Variants in HS6ST3 observed in about 807,000 individuals in gnomAD.
HS6ST3 encodes heparan-sulfate 6-O-sulfotransferase 3.
HS6ST3 carries 12 observed loss-of-function variants against 36.7 expected under a neutral mutation model. The ratio of observed to expected loss-of-function variants is 0.33; its 90% CI spans 0.21 to 0.53. The LOEUF is 0.53. Among genes scored for constraint, HS6ST3 ranks in the 20% least tolerant of loss-of-function variants. HS6ST3 has a pLI of 0.95. For synonymous variants in HS6ST3, 240 were observed against 257.5 expected (o/e 0.93, Z 0.65); for missense variants, 584 against 640.9 (o/e 0.91, Z 0.96).
chr13:96,471,548 C>A (rs961347523), intron 1 of HS6ST3, among the ~76,000 whole-genome samples: 3 of 152,134 alleles, frequency 2.0e-5, no homozygotes, highest in Non-Finnish European at 4.4e-5. Context: ...AATGATTGAG[C>A]AGCTGTCTTC....
intron 1 of HS6ST3, among the ~76,000 whole-genome samples, chr13:96,779,415 T>A (rs942825573): frequency 6.6e-6 from 1 of 152,050 alleles, no homozygotes; most frequent in Non-Finnish European, 1.5e-5. Flanking sequence ...TGGGCTGTTA[T>A]TGAAATGTTT....
At chr13:96,367,674 A>G (rs2055269788) in intron 1 of HS6ST3, among the ~76,000 whole-genome samples, 1 of 152,256 alleles carries the variant, frequency 6.6e-6, no homozygotes, top group Admixed American at 6.5e-5. Context: ...AAATGTAAAG[A>G]AGAAAAACAT....
intron 1 of HS6ST3, among the ~76,000 whole-genome samples, chr13:96,604,275 A>G (rs2056431165): frequency 6.6e-6 from 1 of 152,162 alleles, no homozygotes; most frequent in Non-Finnish European, 1.5e-5. Context: ...ATAATCCATC[A>G]TTTTTACTGA....
chr13:96,472,642 A>G (rs1169376727), intron 1 of HS6ST3, among the ~76,000 whole-genome samples: 1 of 152,154 alleles, frequency 6.6e-6, no homozygotes, highest in Admixed American at 6.6e-5. Flanking sequence ...GTAGAATTGA[A>G]CGTTCCTCAA....
rs1055341483 is a variant in HS6ST3 at position 96,703,122 on chromosome 13, T to C, written c.708-129368T>C. ...TTACTCCATGAATTCCTTACATTAA[T>C]TTCAAAATCAAATCCTAATACTAGG... On this transcript the variant is annotated intron_variant, in intron 1 of 1. Coordinates refer to ENST00000376705, the MANE Select transcript of HS6ST3 (RefSeq NM_153456.4). 3.3e-5 allele frequency among the ~76,000 whole-genome samples: 5 copies of C among 152,254 alleles called. No homozygotes were observed. In the South Asian group the frequency reaches 8.3e-4, roughly 25 times the overall value.
At chr13:96,603,878 A>G (rs539649801) in intron 1 of HS6ST3, among the ~76,000 whole-genome samples, 2 of 152,296 alleles carry the variant, frequency 1.3e-5, no homozygotes, top group South Asian at 4.1e-4. Flanking sequence ...GTCTACTTGA[A>G]CCTACTTCAG....
chr13:96,761,451 T>G (rs1325929260), intron 1 of HS6ST3, among the ~76,000 whole-genome samples: 2 of 152,172 alleles, frequency 1.3e-5, no homozygotes, highest in Admixed American at 1.3e-4. Flanking sequence ...TTAATATTAT[T>G]CCATATTTTT....
At chr13:96,372,487 G>T (rs369411260) in intron 1 of HS6ST3, among the ~76,000 whole-genome samples, 1 of 152,050 alleles carries the variant, frequency 6.6e-6, no homozygotes, top group Non-Finnish European at 1.5e-5. Flanking sequence ...TTAGTTTGAT[G>T]TAGTCCCATT....
chr13:96,745,749 G>GT (rs1300418231), intron 1 of HS6ST3, among the ~76,000 whole-genome samples: 2 of 152,048 alleles, frequency 1.3e-5, no homozygotes, highest in African/African-American at 2.4e-5. Flanking sequence ...CACACTGGAG[G>GT]TGGTTTGATA....
chr13:96,522,607 C>T (rs2056098141), intron 1 of HS6ST3, among the ~76,000 whole-genome samples: 1 of 152,094 alleles, frequency 6.6e-6, no homozygotes, highest in Non-Finnish European at 1.5e-5. Context: ...TATGTAATGG[C>T]CTTTTTTGTC....
At chr13:96,590,638 G>A (rs928775131) in intron 1 of HS6ST3, among the ~76,000 whole-genome samples, 48 of 151,994 alleles carry the variant, frequency 3.2e-4, no homozygotes, top group African/African-American at 9.9e-4. Flanking sequence ...CATTCTTTGG[G>A]TTGTCTCTTC....
At chr13:96,628,815 ATG>A (rs1456025788) in intron 1 of HS6ST3, among the ~76,000 whole-genome samples, 8 of 151,368 alleles carry the variant, frequency 5.3e-5, no homozygotes, top group South Asian at 2.1e-4. Context: ...TATGTTCAGA[ATG>A]TGTGTGTGCA....
chr13:96,803,449 A>G (rs779797920), intron 1 of HS6ST3, among the ~76,000 whole-genome samples: 1 of 152,174 alleles, frequency 6.6e-6, no homozygotes, highest in Non-Finnish European at 1.5e-5. Context: ...CTAACTTACT[A>G]CCAGGAAGGG....
At chr13:96,288,480 G>A (rs1415278369) in intron 1 of HS6ST3, among the ~76,000 whole-genome samples, 1 of 151,978 alleles carries the variant, frequency 6.6e-6, no homozygotes, top group Non-Finnish European at 1.5e-5. Flanking sequence ...GTTACTGTCT[G>A]GGAATATAAA....
intron 1 of HS6ST3, among the ~76,000 whole-genome samples, chr13:96,603,551 G>A (rs1366458626): frequency 2.6e-5 from 4 of 152,100 alleles, no homozygotes; most frequent in South Asian, 4.1e-4. Flanking sequence ...GTAGGTATAT[G>A]TATTCTTTTC....
At chr13:96,558,408 C>G (rs1421878432) in intron 1 of HS6ST3, among the ~76,000 whole-genome samples, 2 of 152,116 alleles carry the variant, frequency 1.3e-5, no homozygotes, top group Non-Finnish European at 2.9e-5. Context: ...AGTTAAGTTT[C>G]AGAGAGATTT....
At chr13:96,553,046 A>G (rs1215286057) in intron 1 of HS6ST3, among the ~76,000 whole-genome samples, 1 of 152,172 alleles carries the variant, frequency 6.6e-6, no homozygotes, top group Non-Finnish European at 1.5e-5. Context: ...CCTAAGGATC[A>G]GCAAGTCCTC....
chr13:96,475,620 A>G (rs1174915289), intron 1 of HS6ST3, among the ~76,000 whole-genome samples: 3 of 151,712 alleles, frequency 2.0e-5, no homozygotes, highest in Non-Finnish European at 4.4e-5. Context: ...ACCAAAAAAA[A>G]AAAAAAAAAA....
intron 1 of HS6ST3, among the ~76,000 whole-genome samples, chr13:96,512,965 C>T (rs562585523): frequency 4.8e-4 from 73 of 151,814 alleles, no homozygotes; most frequent in Middle Eastern, 3.4e-3. Context: ...CTTTTAAGGA[C>T]GGCATCATAG....
Sources: gnomAD v4.1 joint callset for allele counts (sites outside exome capture counted in the v4.1 genomes callset) on GRCh38, gnomAD v4.1.1 for gene constraint, MANE v1.5 for transcripts, NCBI Gene and HGNC (gene_info 2026-07-23, HGNC 2026-07-21) for gene names.